The following CSPP1 variants were observed in gnomAD, a reference collection of about 807,000 sequenced individuals.
CSPP1 encodes centrosome and spindle pole-associated protein 1.
CSPP1 carries 126 observed loss-of-function variants against 164.4 expected under a neutral mutation model. That is an observed-to-expected ratio of 0.77 (90% CI 0.66 to 0.89). The LOEUF is 0.89. Ranked by LOEUF, CSPP1 falls within the 40% of genes least tolerant of loss-of-function variation. CSPP1 has a pLI of 0.00. For synonymous variants in CSPP1, 472 were observed against 476.7 expected (o/e 0.99, Z 0.13); for missense variants, 1,395 against 1,449.8 (o/e 0.96, Z 0.61).
chr8:67,066,737 A>G (rs1413634623), intron 1 of CSPP1, among the ~76,000 whole-genome samples: 1 of 151,984 alleles, frequency 6.6e-6, no homozygotes, highest in Non-Finnish European at 1.5e-5. Context: ...ATATATATAC[A>G]TATATATACA....
At position 67,095,528 on chromosome 8, in the gene CSPP1, G is replaced by T; in HGVS notation, c.719G>T (p.Gly240Val). 1 of 1,613,618 alleles carries T rather than the reference G, an allele frequency of 6.2e-7. No individual in the cohort carries two copies. Among genetic ancestry groups the T allele is most frequent in the South Asian group, 1.1e-5 (1 of 91,050 alleles). ...ATTAAAAAAGCAAATGAAGAAGTGG[G>T]CATTTCCAACCTAAAACATCAAAGG... ...RIIKKANEEVGISNLKHQRFA... is the reference protein window; with the variant it reads ...RIIKKANEEVVISNLKHQRFA... Residue 240 changes from glycine (G) to valine (V), a missense_variant, in exon 7 of 31, where the codon GGC becomes GTC. Gly to Val is a moderately radical substitution (Grantham distance 109). Transcript: ENST00000678616.
Position 67,195,811 on chromosome 8 carries a change from T to C in CSPP1, c.*218T>C. On this transcript the variant is annotated 3_prime_UTR_variant, in exon 31 of 31. Transcript: ENST00000678616. ...AATTGTATAGATTATTTTTGCACAG[T>C]TTTGTCATAAATTAGGGTGGTAATG... 2.0e-6 allele frequency: 1 copy of C among 505,440 alleles called. No homozygotes were observed. Among genetic ancestry groups the C allele is most frequent in the Non-Finnish European group, 3.5e-6 (1 of 282,238 alleles). The allele number at this position is 505,440 out of a possible 1,614,324, so 31.3% of individuals were successfully genotyped here.
intron 9 of CSPP1, among the ~76,000 whole-genome samples, chr8:67,110,338 T>C (rs1383881015): frequency 6.6e-6 from 1 of 151,808 alleles, no homozygotes; most frequent in Non-Finnish European, 1.5e-5. Context: ...ACCTCTAGAG[T>C]AGCTTTCCTT....
intron 25 of CSPP1, 52 bp from the exon 26 acceptor site, chr8:67,175,244 C>T (rs1317109076): frequency 8.6e-6 from 12 of 1,397,224 alleles, no homozygotes; most frequent in African/African-American, 1.4e-5. Flanking sequence ...TTTACAAAAT[C>T]CCATTTGAAA....
At chr8:67,129,839 G>A (rs1820847530) in intron 15 of CSPP1, among the ~76,000 whole-genome samples, 1 of 152,180 alleles carries the variant, frequency 6.6e-6, no homozygotes, top group Non-Finnish European at 1.5e-5. Context: ...ATTACCTGGG[G>A]CTGAGGGTTG....
At chr8:67,158,663 T>C in intron 20 of CSPP1, 67 bp downstream of exon 20, 2 of 1,499,386 alleles carry the variant, frequency 1.3e-6, no homozygotes, top group African/African-American at 1.4e-5. Context: ...CTTGAAAAGG[T>C]ATTTCTTACT....
intron 16 of CSPP1, chr8:67,135,678 G>A (rs1400135824): frequency 1.3e-5 from 2 of 152,202 alleles, no homozygotes; most frequent in Non-Finnish European, 2.9e-5. Context: ...ACAGCAATAA[G>A]GCTGTTTCAC....
In CSPP1 at chr8:67,095,399, T is replaced by G; in HGVS notation, c.590T>G (p.Leu197Ter). 1.2e-6 allele frequency: 2 copies of G among 1,613,112 alleles called. No individual in the cohort carries two copies. The highest frequency in any genetic ancestry group is 1.7e-6 in the Non-Finnish European group (2 of 1,179,552). ...ENSEGPRKDV[L>*]TPSEAYEELL... Reference sequence around the variant, plus strand: ...TCAGAGGGTCCTAGAAAAGATGTCTTAACTCCTTCAGAGGCATATGAAGAA... The same window carrying G: ...TCAGAGGGTCCTAGAAAAGATGTCTGAACTCCTTCAGAGGCATATGAAGAA... The change falls in exon 7 of 31, where the codon TTA becomes TGA. Residue 197 changes from leucine to a stop codon, truncating the protein, a stop_gained. Coordinates refer to ENST00000678616, the MANE Select transcript of CSPP1 (RefSeq NM_001382391.1). LOFTEE classifies it high-confidence loss of function.
In CSPP1 at chr8:67,167,689, A is replaced by G. The variant is rs866257285; in HGVS notation, c.2828+3181A>G. ...GCGGCCGGGCAGAGGCGCTCCTCAC[A>G]TCCCAGATGGGGTGGCGGGGCAGAG... On this transcript the variant is annotated intron_variant, in intron 24 of 30. Transcript: ENST00000678616. 8.2e-5 allele frequency among the ~76,000 whole-genome samples: 12 copies of G among 145,688 alleles called. No homozygotes were observed. In the South Asian group the frequency reaches 1.3e-3, roughly 16 times the overall value.
In CSPP1 at chr8:67,155,020, ATAAG is replaced by A. The variant is rs370141256; in HGVS notation, c.2241+888_2241+891del. 2.4e-4 allele frequency among the ~76,000 whole-genome samples: 37 copies of A among 152,340 alleles called. No homozygotes were observed. The East Asian group carries it at 4.6e-3, about 19-fold the overall frequency. On this transcript the variant is annotated intron_variant, in intron 19 of 30. Transcript: ENST00000678616. ...ACAATTATTTGCCCCATTTATGTAC[ATAAG>A]TAAATGGCATTTAACATAGTAGAAC...
intron 17 of CSPP1, among the ~76,000 whole-genome samples, chr8:67,146,962 G>A (rs1391281244): frequency 1.3e-5 from 2 of 152,158 alleles, no homozygotes; most frequent in Non-Finnish European, 2.9e-5. Context: ...CAGAAAGACA[G>A]AAAAGGAGTG....
chr8:67,107,983 G>GTTTTTTTTTTTTTTTTT (rs34204898), intron 9 of CSPP1, among the ~76,000 whole-genome samples: 8 of 127,160 alleles, frequency 6.3e-5, no homozygotes, highest in African/African-American at 1.8e-4. Flanking sequence ...CTTTGACAAA[G>GTTTTTTTTTTTTTTTTT]TTTTTTTTTT....
chr8:67,103,646 A>C (rs1244692701), intron 8 of CSPP1, among the ~76,000 whole-genome samples: 1 of 140,112 alleles, frequency 7.1e-6, no homozygotes, highest in Non-Finnish European at 1.6e-5. Flanking sequence ...CTGAAAATAC[A>C]AAAAAAAAAA....
chr8:67,145,293 T>C (rs998228981), intron 17 of CSPP1, among the ~76,000 whole-genome samples: 2 of 152,164 alleles, frequency 1.3e-5, no homozygotes, highest in African/African-American at 4.8e-5. Context: ...GTAGGATCTG[T>C]GGTGATGGCT....
chr8:67,155,869 A>C (rs1053800219), intron 19 of CSPP1, among the ~76,000 whole-genome samples: 1 of 152,200 alleles, frequency 6.6e-6, no homozygotes, highest in African/African-American at 2.4e-5. Flanking sequence ...TGTGGGTGAC[A>C]GTGGAAATGG....
Position 67,175,441 on chromosome 8 carries a change from G to C in CSPP1, c.3109+5G>C, listed in dbSNP as rs772586492. ...AAATGCAGGAAGGTGCCAAAGGTAA[G>C]AAATAATCATTGCTGTGTCAAATAG... On this transcript the variant is annotated splice_donor_5th_base_variant and intron_variant, in intron 26 of 30. Coordinates refer to ENST00000678616, the MANE Select transcript of CSPP1 (RefSeq NM_001382391.1). 4 of 1,613,932 alleles carry C rather than the reference G, an allele frequency of 2.5e-6. No homozygotes were observed. Among genetic ancestry groups the C allele is most frequent in the African/African-American group, 2.7e-5 (2 of 74,914 alleles).
intron 4 of CSPP1, among the ~76,000 whole-genome samples, chr8:67,089,674 A>T (rs576569467): frequency 3.3e-5 from 5 of 152,218 alleles, no homozygotes; most frequent in Admixed American, 3.3e-4. Flanking sequence ...TTTCAGTCCC[A>T]AATGTATCAG....
Position 67,093,584 on chromosome 8 carries a change from T to C in CSPP1, c.426T>C (p.Phe142=). 6.2e-7 allele frequency: 1 copy of C among 1,612,812 alleles called. No individual in the cohort carries two copies. Among genetic ancestry groups the C allele is most frequent in the Non-Finnish European group, 8.5e-7 (1 of 1,178,920 alleles). The change falls in exon 6 of 31, where the codon TTT becomes TTC. Residue 142 remains phenylalanine (F), a synonymous_variant. Coordinates refer to ENST00000678616, the MANE Select transcript of CSPP1 (RefSeq NM_001382391.1). The part of the protein sequence containing the change: ...KLERNKEYNQ[F]LRGKEESSEK... ...AACGTAACAAAGAATACAATCAGTT[T>C]CTCAGGGGTAAGGAAGAATCCAGTG...
chr8:67,138,106 A>G (rs1036179857), intron 17 of CSPP1, among the ~76,000 whole-genome samples: 5 of 152,210 alleles, frequency 3.3e-5, no homozygotes, highest in Non-Finnish European at 7.3e-5. Context: ...AAGTTTCATA[A>G]TTTGTTGATT....
Sources: allele counts gnomAD v4.1 joint callset (sites outside exome capture counted in the v4.1 genomes callset), GRCh38; gene constraint gnomAD v4.1.1; transcripts MANE v1.5; gene names NCBI Gene and HGNC (gene_info 2026-07-23, HGNC 2026-07-21).